GABPA: variants seen among roughly 807,000 people sequenced by gnomAD.
The protein encoded by GABPA is GA-binding protein alpha chain.
In GABPA, 4 loss-of-function variants were observed where a neutral mutation model predicts 59.4. The ratio of observed to expected loss-of-function variants is 0.07; its 90% CI spans 0.03 to 0.15. The LOEUF is 0.15. GABPA is among the 10% of genes least tolerant of loss of function. GABPA has a pLI of 1.00. For synonymous variants in GABPA, 164 were observed against 183.1 expected, an observed-to-expected ratio of 0.90 and a Z score of 0.84; for missense variants, 251 against 543.8, an observed-to-expected ratio of 0.46 and a Z score of 5.36.
chr21:25,758,333 C>T lies in GABPA; in HGVS notation c.748+129C>T, dbSNP rs1339273757. On this transcript the variant is annotated intron_variant, in intron 6 of 9. Coordinates refer to ENST00000400075, the MANE Select transcript of GABPA (RefSeq NM_002040.4). ...AGCAATAATAATTAACATTTATTTA[C>T]TGTATAATGCTATGCTGAAAGCTCT... The T allele has an allele frequency of 7.9e-6, 5 of 632,212 alleles. No individual in the cohort carries two copies. In the African/African-American group the frequency reaches 9.4e-5, roughly 12 times the overall value. The allele number at this position is 632,212 out of a possible 1,614,324, so 39.2% of individuals were successfully genotyped here. A position where few individuals can be genotyped will look rare whatever the true frequency, so the allele number is the denominator to read the frequency against.
chr21:25,762,252 G>A, intron 6 of GABPA, 60 bp from the exon 7 acceptor site: 2 of 852,826 alleles, frequency 2.3e-6, no homozygotes, highest in South Asian at 1.6e-5. Flanking sequence ...GAGTTTTATT[G>A]GATTGGGGTT....
At chr21:25,748,365 A>G (rs1394166723) in intron 3 of GABPA, among the ~76,000 whole-genome samples, 1 of 152,238 alleles carries the variant, frequency 6.6e-6, no homozygotes, top group African/African-American at 2.4e-5. Context: ...GATGATTATA[A>G]TGGAAGCCTG....
At position 25,752,188 on chromosome 21, in the gene GABPA, A is replaced by G. The variant is rs750982491; in HGVS notation, c.507A>G (p.Ala169=). The part of the protein sequence containing the change: ...TSEQVTRWAA[A]LEGYRKEQER... ...AACAAGTGACAAGATGGGCTGCTGCACTGGAAGGCTATAGGAAAGAACAAG... is the reference window on the plus strand; with the variant it reads ...AACAAGTGACAAGATGGGCTGCTGCGCTGGAAGGCTATAGGAAAGAACAAG... The change falls in exon 5 of 10, where the codon GCA becomes GCG. Residue 169 remains alanine (A), a synonymous_variant. Coordinates refer to ENST00000400075, the MANE Select transcript of GABPA (RefSeq NM_002040.4). 2 of 1,613,102 alleles carry G rather than the reference A, an allele frequency of 1.2e-6. No individual in the cohort carries two copies. Among genetic ancestry groups the G allele is most frequent in the Non-Finnish European group, 8.5e-7 (1 of 1,179,462 alleles).
rs573678527 is a variant in GABPA at position 25,741,931 on chromosome 21, G to T, written c.77+256G>T. ...AATAGTTTTCTCCTTTGGGGCATTTGATTCTTTATTCTTTTCCTCAGCACT... is the reference window on the plus strand; with the variant it reads ...AATAGTTTTCTCCTTTGGGGCATTTTATTCTTTATTCTTTTCCTCAGCACT... On this transcript the variant is annotated intron_variant, in intron 2 of 9. Coordinates refer to ENST00000400075, the MANE Select transcript of GABPA (RefSeq NM_002040.4). Among the ~76,000 whole-genome samples the T allele has an allele frequency of 4.6e-5, 7 of 152,268 alleles. No individual in the cohort carries two copies. In the East Asian group the frequency reaches 1.4e-3, roughly 29 times the overall value.
intron 1 of GABPA, among the ~76,000 whole-genome samples, chr21:25,738,224 G>GCCC (rs2035130874): frequency 6.6e-6 from 1 of 152,084 alleles, no homozygotes; most frequent in South Asian, 2.1e-4. Context: ...CGCCGCCGCC[G>GCCC]CCCCCTGCCC....
At chr21:25,754,933 C>T (rs2035597883) in intron 5 of GABPA, among the ~76,000 whole-genome samples, 1 of 152,044 alleles carries the variant, frequency 6.6e-6, no homozygotes, top group Non-Finnish European at 1.5e-5. Flanking sequence ...TGCCTGTAAT[C>T]CCAGCTACTT....
chr21:25,744,995 G>A (rs1254985213), intron 2 of GABPA, among the ~76,000 whole-genome samples: 1 of 152,148 alleles, frequency 6.6e-6, no homozygotes. Flanking sequence ...TATTTACAAG[G>A]ATGCTTTAAA....
chr21:25,740,744 G>T (rs1435631711), intron 1 of GABPA, among the ~76,000 whole-genome samples: 3 of 152,190 alleles, frequency 2.0e-5, no homozygotes, highest in Non-Finnish European at 4.4e-5. Flanking sequence ...GGGAAATAAT[G>T]TGCATATCTG....
intron 6 of GABPA, among the ~76,000 whole-genome samples, chr21:25,762,030 A>C (rs1057406933): frequency 6.6e-6 from 1 of 152,202 alleles, no homozygotes; most frequent in African/African-American, 2.4e-5. Context: ...TTTCAATACA[A>C]ATGTTTACAT....
chr21:25,767,581 A>G (rs1269416780), intron 9 of GABPA, among the ~76,000 whole-genome samples: 1 of 151,820 alleles, frequency 6.6e-6, no homozygotes, highest in Non-Finnish European at 1.5e-5. Context: ...TGCCAACTCC[A>G]TTTTCCTCCT....
At chr21:25,758,414 A>G (rs1288588069) in intron 6 of GABPA, among the ~76,000 whole-genome samples, 1 of 152,134 alleles carries the variant, frequency 6.6e-6, no homozygotes, top group East Asian at 1.9e-4. Context: ...CTTATTTTTT[A>G]GATAGGAAAG....
At position 25,735,070 on chromosome 21, in the gene GABPA, G is replaced by C; in HGVS notation, c.-535G>C. 9.1e-7 allele frequency: 1 copy of C among 1,094,356 alleles called. No homozygotes were observed. The highest frequency in any genetic ancestry group is 1.3e-6 in the Non-Finnish European group (1 of 742,596). The allele number at this position is 1,094,356 out of a possible 1,614,324, so 67.8% of individuals were successfully genotyped here. ...AGCCAAACAGGAGGAGGAAGTGGAG[G>C]GTAAGTGCTTCCGGGTCCCCTGGCA... On this transcript the variant is annotated 5_prime_UTR_variant, in exon 1 of 10. Coordinates refer to ENST00000400075, the MANE Select transcript of GABPA (RefSeq NM_002040.4).
chr21:25,735,881 G>A (rs774554119), intron 1 of GABPA, among the ~76,000 whole-genome samples: 24 of 151,998 alleles, frequency 1.6e-4, no homozygotes, highest in Non-Finnish European at 2.9e-4. Context: ...TCCTTTCCGC[G>A]TCCCCTCCTC....
At chr21:25,756,071 A>G (rs182008655) in intron 5 of GABPA, among the ~76,000 whole-genome samples, 4 of 152,266 alleles carry the variant, frequency 2.6e-5, no homozygotes, top group African/African-American at 9.6e-5. Context: ...AAATTCCTTT[A>G]CTGTTGTTTT....
At chr21:25,743,754 CAA>C (rs2035286283) in intron 2 of GABPA, among the ~76,000 whole-genome samples, 1 of 151,424 alleles carries the variant, frequency 6.6e-6, no homozygotes, top group Admixed American at 6.6e-5. Context: ...GTAATTGTTA[CAA>C]AAAAAGAAAA....
intron 5 of GABPA, among the ~76,000 whole-genome samples, chr21:25,755,950 C>T (rs2035626661): frequency 6.6e-6 from 1 of 152,216 alleles, no homozygotes; most frequent in African/African-American, 2.4e-5. Context: ...GTTTTCCCCT[C>T]CTATGCCAAA....
At chr21:25,762,509 C>G (rs2035789195) in intron 7 of GABPA, 144 bp downstream of exon 7, 2 of 564,290 alleles carry the variant, frequency 3.5e-6, no homozygotes, top group Non-Finnish European at 6.3e-6. Flanking sequence ...AAGCTCGACA[C>G]AAGTACTTTA....
Position 25,741,799 on chromosome 21 carries a change from T to C in GABPA, c.77+124T>C, listed in dbSNP as rs2035228451. The C allele has an allele frequency of 1.0e-5, 6 of 581,786 alleles. No individual in the cohort carries two copies. In the Admixed American group the frequency reaches 1.8e-4, roughly 17 times the overall value. 36.0% of individuals were successfully genotyped at this position (581,786 alleles called of 1,614,324 possible). On this transcript the variant is annotated intron_variant, in intron 2 of 9. Coordinates refer to ENST00000400075, the MANE Select transcript of GABPA (RefSeq NM_002040.4). Reference sequence around the variant, plus strand: ...CTGTTCTCAGTATTTTAGGGAATAATGTATTGTTTTATTTCCTCTGACTTA... The same window carrying C: ...CTGTTCTCAGTATTTTAGGGAATAACGTATTGTTTTATTTCCTCTGACTTA...
At chr21:25,755,751 C>T (rs571406735) in intron 5 of GABPA, among the ~76,000 whole-genome samples, 1 of 152,064 alleles carries the variant, frequency 6.6e-6, no homozygotes, top group Admixed American at 6.5e-5. Context: ...ATTTAACTGG[C>T]CCCCCAAATG....
Sources: allele counts gnomAD v4.1 joint callset (sites outside exome capture counted in the v4.1 genomes callset), GRCh38; gene constraint gnomAD v4.1.1; transcripts MANE v1.5; gene names NCBI Gene and HGNC (gene_info 2026-07-23, HGNC 2026-07-21).